The following CNTNAP2 variants were observed in gnomAD, a reference collection of about 807,000 sequenced individuals.
CNTNAP2 encodes contactin associated protein 2.
Under a neutral mutation model 155.2 loss-of-function variants are expected in CNTNAP2, and 98 were observed. The observed-to-expected ratio is 0.63, with a 90% CI of 0.54 to 0.75. The LOEUF is 0.75. CNTNAP2 is among the 30% of genes least tolerant of loss of function. The pLI, the probability that CNTNAP2 is intolerant of heterozygous loss-of-function variation, is 0.00. For synonymous variants in CNTNAP2, 651 were observed against 631.2 expected (o/e 1.03, Z -0.47); for missense variants, 1,727 against 1,688.1 (o/e 1.02, Z -0.40).
At chr7:146,642,279 G>T (rs1475194044) in intron 1 of CNTNAP2, among the ~76,000 whole-genome samples, 1 of 150,228 alleles carries the variant, frequency 6.7e-6, no homozygotes, top group Non-Finnish European at 1.5e-5. Flanking sequence ...TTTAGCATTA[G>T]GTATATCTCC....
chr7:146,708,300 C>T (rs1039004775), intron 1 of CNTNAP2, among the ~76,000 whole-genome samples: 1 of 151,994 alleles, frequency 6.6e-6, no homozygotes, highest in Non-Finnish European at 1.5e-5. Context: ...TTCAATGATA[C>T]ATGTTTAACA....
rs778483329 is a variant in CNTNAP2 at position 148,378,308 on chromosome 7, G to A, written c.3476-5341G>A. Among the ~76,000 whole-genome samples, 6 of 67,434 alleles carry A rather than the reference G, an allele frequency of 8.9e-5. 3 individuals carry two copies. Among genetic ancestry groups the A allele is most frequent in the Non-Finnish European group, 2.5e-4 (6 of 24,074 alleles). The allele number at this position is 67,434 out of a possible 152,430, so 44.2% of individuals were successfully genotyped here. A position where few individuals can be genotyped will look rare whatever the true frequency, so the allele number is the denominator to read the frequency against. ...ATCCAGGAGGAAGCCCCACTCAGCG[G>A]GGGTCTCTGGTGTTCTAAAGTGATG... On this transcript the variant is annotated intron_variant, in intron 21 of 23. Coordinates refer to ENST00000361727, the MANE Select transcript of CNTNAP2 (RefSeq NM_014141.6).
chr7:147,688,657 A>G (rs1584900911), intron 13 of CNTNAP2, among the ~76,000 whole-genome samples: 1 of 152,202 alleles, frequency 6.6e-6, no homozygotes, highest in Admixed American at 6.5e-5. Flanking sequence ...GAGAGGTTCC[A>G]TACCAGCGAG....
chr7:146,588,415 A>G (rs1454583172), intron 1 of CNTNAP2, among the ~76,000 whole-genome samples: 7 of 152,172 alleles, frequency 4.6e-5, no homozygotes, highest in African/African-American at 1.7e-4. Context: ...ACAACTTTTT[A>G]AAATATTTTT....
intron 14 of CNTNAP2, among the ~76,000 whole-genome samples, chr7:147,912,321 C>A (rs183960596): frequency 7.2e-5 from 11 of 152,284 alleles, no homozygotes; most frequent in Admixed American, 5.9e-4. Context: ...GGAGCAGCCT[C>A]TTCAGTATTC....
chr7:146,594,438 A>ACACACG (rs1194252248), intron 1 of CNTNAP2, among the ~76,000 whole-genome samples: 1 of 151,490 alleles, frequency 6.6e-6, no homozygotes, highest in Non-Finnish European at 1.5e-5. Flanking sequence ...GTGTTTACAC[A>ACACACG]CACACACACA....
chr7:148,006,625 G>GT (rs1476810275), intron 15 of CNTNAP2, among the ~76,000 whole-genome samples: 1 of 136,838 alleles, frequency 7.3e-6, no homozygotes, highest in Non-Finnish European at 1.5e-5. Flanking sequence ...GGCCATAATA[G>GT]TAACTTTTAT....
Position 147,441,842 on chromosome 7 carries a change from T to TCTCTCTCC in CNTNAP2, c.1671-44086_1671-44085insCCTCTCTC, listed in dbSNP as rs1554485010. Among the ~76,000 whole-genome samples, 147 of 114,588 alleles carry TCTCTCTCC rather than the reference T, an allele frequency of 1.3e-3. 1 individual carries two copies. Among genetic ancestry groups the TCTCTCTCC allele is most frequent in the African/African-American group, 4.4e-3 (142 of 32,260 alleles). The allele number at this position is 114,588 out of a possible 152,430, so 75.2% of individuals were successfully genotyped here. On this transcript the variant is annotated intron_variant, in intron 10 of 23. Transcript: ENST00000361727. Reference sequence around the variant, plus strand: ...CTCTCTCTCTCTCTCTCTCTCTCTCTCTCTCTCTCCCTCCCTCCCTCCCTC... The same window carrying TCTCTCTCC: ...CTCTCTCTCTCTCTCTCTCTCTCTCTCTCTCTCCCTCTCTCTCCCTCCCTCCCTCCCTC...
At chr7:147,891,975 C>T (rs1177086483) in intron 13 of CNTNAP2, among the ~76,000 whole-genome samples, 1 of 151,880 alleles carries the variant, frequency 6.6e-6, no homozygotes, top group Non-Finnish European at 1.5e-5. Flanking sequence ...ACAACAAAGT[C>T]GATTTTTTTA....
At chr7:147,376,615 A>G (rs1796438348) in intron 9 of CNTNAP2, among the ~76,000 whole-genome samples, 2 of 151,882 alleles carry the variant, frequency 1.3e-5, no homozygotes, top group Non-Finnish European at 2.9e-5. Context: ...AGTATCAGTG[A>G]GTTCTCTGTG....
intron 13 of CNTNAP2, among the ~76,000 whole-genome samples, chr7:147,687,566 G>A (rs537951734): frequency 6.6e-6 from 1 of 152,226 alleles, no homozygotes; most frequent in East Asian, 1.9e-4. Context: ...GCTCACATGG[G>A]TTTAAGGGTC....
rs540437160 is a variant in CNTNAP2 at position 146,404,587 on chromosome 7, A to G, written c.97+287614A>G. On this transcript the variant is annotated intron_variant, in intron 1 of 23. Coordinates refer to ENST00000361727, the MANE Select transcript of CNTNAP2 (RefSeq NM_014141.6). ...ATTTTGAAGTGCAAATCAACTTGCC[A>G]CAATAAGTTATCCATTGGTCTGAGA... is the stretch of plus-strand genomic sequence containing the variant. 2.0e-5 allele frequency among the ~76,000 whole-genome samples: 3 copies of G among 152,298 alleles called. No homozygotes were observed. In the East Asian group the frequency reaches 5.8e-4, roughly 29 times the overall value.
rs561376409 is a variant in CNTNAP2, at chr7:146,499,356, T to C, written c.98-274915T>C. ...CCACCACACCTGGCTGATTTTTGTA[T>C]TTTTAGTACAGACCGGGTTTCACTA... On this transcript the variant is annotated intron_variant, in intron 1 of 23. Transcript: ENST00000361727. Among the ~76,000 whole-genome samples the C allele has an allele frequency of 5.9e-5, 9 of 152,210 alleles. No homozygotes were observed. The South Asian group carries it at 1.7e-3, about 28-fold the overall frequency.
intron 11 of CNTNAP2, among the ~76,000 whole-genome samples, chr7:147,523,728 T>C (rs1025546253): frequency 6.6e-6 from 1 of 152,210 alleles, no homozygotes; most frequent in African/African-American, 2.4e-5. Flanking sequence ...CTTCGGGCTC[T>C]TATTCCTCAA....
At chr7:146,846,143 C>T (rs1238817044) in intron 3 of CNTNAP2, among the ~76,000 whole-genome samples, 1 of 152,146 alleles carries the variant, frequency 6.6e-6, no homozygotes, top group Non-Finnish European at 1.5e-5. Context: ...CATCTTCCAT[C>T]GGATAATAAC....
chr7:147,103,077 T>C (rs925878950), intron 4 of CNTNAP2, among the ~76,000 whole-genome samples: 1 of 152,164 alleles, frequency 6.6e-6, no homozygotes, highest in African/African-American at 2.4e-5. Flanking sequence ...AAGTATGAAA[T>C]AATAGTGTTT....
At position 147,239,058 on chromosome 7, in the gene CNTNAP2, A is replaced by T. The variant is rs561428404; in HGVS notation, c.1349-61083A>T. 4.6e-5 allele frequency among the ~76,000 whole-genome samples: 7 copies of T among 152,334 alleles called. No homozygotes were observed. The South Asian group carries it at 1.2e-3, about 27-fold the overall frequency. The stretch of plus-strand genomic sequence containing the variant: ...TACCATCCAACTCAAAAGAAGAAAG[A>T]AAAAGAGAGTGAGAGTGCAGGTCAT... On this transcript the variant is annotated intron_variant, in intron 8 of 23. Coordinates refer to ENST00000361727, the MANE Select transcript of CNTNAP2 (RefSeq NM_014141.6).
chr7:146,959,059 G>A (rs1003265785), intron 3 of CNTNAP2, among the ~76,000 whole-genome samples: 5 of 151,032 alleles, frequency 3.3e-5, no homozygotes, highest in African/African-American at 1.2e-4. Flanking sequence ...TTGCTCTGTC[G>A]CCCAGGCTGG....
At chr7:146,671,213 C>T (rs560521775) in intron 1 of CNTNAP2, among the ~76,000 whole-genome samples, 2 of 152,290 alleles carry the variant, frequency 1.3e-5, no homozygotes, top group South Asian at 2.1e-4. Flanking sequence ...CATTAGTCTA[C>T]TCCTGGAGGC....
Sources: allele counts gnomAD v4.1 joint callset (sites outside exome capture counted in the v4.1 genomes callset), GRCh38; gene constraint gnomAD v4.1.1; transcripts MANE v1.5; gene names NCBI Gene and HGNC (gene_info 2026-07-23, HGNC 2026-07-21).